Variants in MPHOSPH10 observed in about 807,000 individuals in gnomAD.
MPHOSPH10 encodes the protein M-phase phosphoprotein 10.
Under a neutral mutation model 77.3 loss-of-function variants are expected in MPHOSPH10, and 33 were observed. The observed-to-expected ratio is 0.43, with a 90% CI of 0.32 to 0.57. The LOEUF is 0.57. Ranked by LOEUF, MPHOSPH10 falls within the 20% of genes least tolerant of loss-of-function variation. The pLI is 0.07. For missense variants in MPHOSPH10, 708 were observed against 780.1 expected (o/e 0.91, Z 1.10); for synonymous variants, 245 against 268.0 (o/e 0.91, Z 0.84).
intron 1 of MPHOSPH10, among the ~76,000 whole-genome samples, chr2:71,131,943 A>G (rs762943680): frequency 6.6e-6 from 1 of 152,186 alleles, no homozygotes; most frequent in Admixed American, 6.5e-5. Flanking sequence ...AGGGGTTACA[A>G]TGGCTGAGCT....
At position 71,134,029 on chromosome 2, in the gene MPHOSPH10, G is replaced by T. The variant is rs1297596725; in HGVS notation, c.850G>T (p.Asp284Tyr). The change falls in exon 3 of 11, where the codon GAT becomes TAT. Residue 284 changes from aspartate to tyrosine, a missense_variant. By Grantham distance (160) the Asp-to-Tyr change is radical. Around this residue, in one of 3 missense-constraint regions of MPHOSPH10, gnomAD observed 433 missense variants for 432.6 expected, o/e 1.00. Transcript: ENST00000244230. ...TGATGAAGACATAACAAATGTTCAT[G>T]ATGATGAGCTGGATTCAAACAAAGA... The part of the protein sequence containing the change: ...ESDEDITNVH[D>Y]DELDSNKEDD... The T allele has an allele frequency of 1.9e-6, 3 of 1,609,628 alleles. No homozygotes were observed. Among genetic ancestry groups the T allele is most frequent in the Non-Finnish European group, 1.7e-6 (2 of 1,177,718 alleles).
At position 71,150,049 on chromosome 2, in the gene MPHOSPH10, A is replaced by G; in HGVS notation, c.*34A>G. 9.3e-7 allele frequency: 1 copy of G among 1,078,978 alleles called. No homozygotes were observed. Among genetic ancestry groups the G allele is most frequent in the East Asian group, 2.9e-5 (1 of 34,552 alleles). The allele number at this position is 1,078,978 out of a possible 1,614,324, so 66.8% of individuals were successfully genotyped here. A position where few individuals can be genotyped will look rare whatever the true frequency, so the allele number is the denominator to read the frequency against. ...GAATATAATGTAAATATTAATGTGT[A>G]AGCTTATATTGTGTCATTGTTCTGT... On this transcript the variant is annotated 3_prime_UTR_variant, in exon 11 of 11. Coordinates refer to ENST00000244230, the MANE Select transcript of MPHOSPH10 (RefSeq NM_005791.3).
chr2:71,149,324 A>C lies in MPHOSPH10; in HGVS notation c.1767A>C (p.Ile589=), dbSNP rs747877316. 3.1e-6 allele frequency: 5 copies of C among 1,613,434 alleles called. No homozygotes were observed. In the Admixed American group the frequency reaches 8.3e-5, roughly 27 times the overall value. Residue 589 remains isoleucine (I), a synonymous_variant, in exon 10 of 11, where the codon ATA becomes ATC. Coordinates refer to ENST00000244230, the MANE Select transcript of MPHOSPH10 (RefSeq NM_005791.3). The stretch of plus-strand genomic sequence containing the variant: ...AGAAATATCAAAAGCGTATGAAAAT[A>C]AAAGAGAAGGAGAAGCGGAGAAAAC... The part of the protein sequence containing the change: ...RKKKYQKRMK[I]KEKEKRRKLL...
At chr2:71,139,252 A>G (rs1673564368) in intron 5 of MPHOSPH10, 1 of 160,932 alleles carries the variant, frequency 6.2e-6, no homozygotes, top group African/African-American at 2.4e-5. Flanking sequence ...ATATCGTCTA[A>G]GAACTAGGAC....
chr2:71,134,521 C>T, intron 3 of MPHOSPH10, 105 bp from the exon 4 acceptor site: 1 of 1,001,144 alleles, frequency 1.0e-6, no homozygotes. Context: ...TATTTGGTTG[C>T]ATTAGGTATA....
chr2:71,140,115 G>A (rs563612910), intron 6 of MPHOSPH10, among the ~76,000 whole-genome samples: 26 of 152,270 alleles, frequency 1.7e-4, no homozygotes, highest in African/African-American at 5.1e-4. Flanking sequence ...CCTTTTGGGC[G>A]GTGCTCAGTG....
chr2:71,134,835 A>G (rs752381686), intron 4 of MPHOSPH10, 38 bp downstream of exon 4: 2 of 1,428,834 alleles, frequency 1.4e-6, no homozygotes, highest in Non-Finnish European at 1.9e-6. Context: ...TATACTTGAT[A>G]TTAACCATCC....
At chr2:71,132,385 C>T (rs1050699854) in intron 1 of MPHOSPH10, among the ~76,000 whole-genome samples, 1 of 152,104 alleles carries the variant, frequency 6.6e-6, no homozygotes, top group African/African-American at 2.4e-5. Context: ...CACACTCTAG[C>T]CATGGTCACC....
At chr2:71,135,179 A>G (rs1673461513) in intron 4 of MPHOSPH10, among the ~76,000 whole-genome samples, 1 of 151,608 alleles carries the variant, frequency 6.6e-6, no homozygotes, top group Admixed American at 6.6e-5. Flanking sequence ...CAAAAAACCA[A>G]AAATCTTGCC....
intron 8 of MPHOSPH10, 28 bp downstream of exon 8, chr2:71,144,566 G>A: frequency 6.6e-7 from 1 of 1,526,106 alleles, no homozygotes; most frequent in Non-Finnish European, 9.1e-7. Context: ...TCAGTGTGTA[G>A]CTAGAGCAGG....
chr2:71,134,131 A>C, intron 3 of MPHOSPH10, 26 bp downstream of exon 3: 1 of 1,588,244 alleles, frequency 6.3e-7, no homozygotes, highest in Non-Finnish European at 8.6e-7. Flanking sequence ...CATCCTTTAC[A>C]TTGTAAGCTG....
intron 7 of MPHOSPH10, among the ~76,000 whole-genome samples, chr2:71,141,797 A>C (rs1042400715): frequency 2.6e-5 from 4 of 152,138 alleles, no homozygotes; most frequent in Admixed American, 6.6e-5. Context: ...TGGGAGGCTG[A>C]GGCGGGCGGA....
At chr2:71,134,188 G>A in intron 3 of MPHOSPH10, 83 bp downstream of exon 3, 1 of 1,345,140 alleles carries the variant, frequency 7.4e-7, no homozygotes, top group African/African-American at 1.5e-5. Flanking sequence ...AAATGTGTTT[G>A]TCTTAGCAAG....
In MPHOSPH10 at chr2:71,138,475, T is replaced by A; in HGVS notation, c.1099-15T>A. The A allele has an allele frequency of 6.5e-7, 1 of 1,534,200 alleles. No homozygotes were observed. Among genetic ancestry groups the A allele is most frequent in the Non-Finnish European group, 8.8e-7 (1 of 1,136,118 alleles). Reference sequence around the variant, plus strand: ...ATTTTCTAAATGTATACTAGTTATTTTATCTCTTTCTTAGATGAATGAAAA... The same window carrying A: ...ATTTTCTAAATGTATACTAGTTATTATATCTCTTTCTTAGATGAATGAAAA... On this transcript the variant is annotated splice_polypyrimidine_tract_variant and intron_variant, in intron 4 of 10. Transcript: ENST00000244230.
At position 71,144,460 on chromosome 2, in the gene MPHOSPH10, T is replaced by C. The variant is rs769944672; in HGVS notation, c.1479T>C (p.His493=). 2.5e-6 allele frequency: 4 copies of C among 1,612,094 alleles called. 1 individual carries two copies. Among genetic ancestry groups the C allele is most frequent in the East Asian group, 2.2e-5 (1 of 44,680 alleles). The change falls in exon 8 of 11, where the codon CAT becomes CAC. Residue 493 remains histidine, a synonymous_variant. Coordinates refer to ENST00000244230, the MANE Select transcript of MPHOSPH10 (RefSeq NM_005791.3). Reference sequence around the variant, plus strand: ...CAGCAGAAGAAGAAAATCCAGAACATGTAGAAATTCAGAAGATGATGGATT... The same window carrying C: ...CAGCAGAAGAAGAAAATCCAGAACACGTAGAAATTCAGAAGATGATGGATT... ...QKTAEEENPE[H]VEIQKMMDSL...
chr2:71,134,833 ATATTAACCATCCTTTGAAAAC>A (rs764163077), intron 4 of MPHOSPH10, 36 bp downstream of exon 4: 25 of 1,430,574 alleles, frequency 1.7e-5, no homozygotes, highest in East Asian at 2.3e-5. Flanking sequence ...AATATACTTG[ATATTAACCATCCTTTGAAAAC>A]TATTAACCAT....
rs760377623 is a variant in MPHOSPH10, at chr2:71,133,255, T to C, written c.447T>C (p.Gly149=). 11 of 1,613,914 alleles carry C rather than the reference T, an allele frequency of 6.8e-6. No individual in the cohort carries two copies. The East Asian group carries it at 2.2e-4, about 33-fold the overall frequency. The change falls in exon 2 of 11, where the codon GGT becomes GGC. Residue 149 remains glycine, a synonymous_variant. Coordinates refer to ENST00000244230, the MANE Select transcript of MPHOSPH10 (RefSeq NM_005791.3). ...TGGGTAATGATGATCCTGAAATGGG[T>C]GAGAGAGCTGAAAACTCAAGCAAAT... The part of the protein sequence containing the change: ...SDMGNDDPEM[G]ERAENSSKSD...
At position 71,146,288 on chromosome 2, in the gene MPHOSPH10, A is replaced by G. The variant is rs959909241; in HGVS notation, c.1558-1711A>G. On this transcript the variant is annotated intron_variant, in intron 8 of 10. Coordinates refer to ENST00000244230, the MANE Select transcript of MPHOSPH10 (RefSeq NM_005791.3). ...CATGTTCAGGTTGGTATTTCACACC[A>G]TCTCTGTAGACTCCATTTACTAATC... Among the ~76,000 whole-genome samples, 7 of 149,892 alleles carry G rather than the reference A, an allele frequency of 4.7e-5. No individual in the cohort carries two copies. In the South Asian group the frequency reaches 1.5e-3, roughly 32 times the overall value.
intron 1 of MPHOSPH10, among the ~76,000 whole-genome samples, chr2:71,132,125 C>G (rs1438311206): frequency 6.6e-6 from 1 of 152,230 alleles, no homozygotes; most frequent in African/African-American, 2.4e-5. Context: ...CCAAACTATA[C>G]TCAGCATATT....
Sources: allele counts gnomAD v4.1 joint callset (sites outside exome capture counted in the v4.1 genomes callset), GRCh38; gene constraint gnomAD v4.1.1; regional missense constraint gnomAD v4.1.1; transcripts MANE v1.5; gene names NCBI Gene and HGNC (gene_info 2026-07-23, HGNC 2026-07-21).